Variants in CAGE1 observed in about 807,000 individuals in gnomAD.
CAGE1 encodes the protein cancer-associated gene 1 protein.
A neutral mutation model predicts 94.9 loss-of-function variants in CAGE1; 66 were observed. The observed-to-expected ratio is 0.70, with a 90% CI of 0.57 to 0.85. CAGE1 has a LOEUF of 0.85. Among genes scored for constraint, CAGE1 ranks in the 40% least tolerant of loss-of-function variants. CAGE1 has a pLI of 0.00. For missense variants in CAGE1, 865 were observed against 950.4 expected (o/e 0.91, Z 1.18); for synonymous variants, 319 against 321.0 (o/e 0.99, Z 0.07).
At chr6:7,358,001 C>T (rs1760016793) in intron 9 of CAGE1, among the ~76,000 whole-genome samples, 2 of 125,958 alleles carry the variant, frequency 1.6e-5, no homozygotes, top group Admixed American at 9.3e-5. Context: ...ACCATGTTGG[C>T]CAGACTGCGG....
intron 11 of CAGE1, among the ~76,000 whole-genome samples, chr6:7,352,757 T>C (rs1378766525): frequency 2.0e-5 from 3 of 152,214 alleles, no homozygotes; most frequent in African/African-American, 7.2e-5. Context: ...TATAGCCAAC[T>C]GATCTTTGAC....
chr6:7,386,585 T>G (rs1318543127), intron 2 of CAGE1, among the ~76,000 whole-genome samples: 1 of 152,154 alleles, frequency 6.6e-6, no homozygotes, highest in Non-Finnish European at 1.5e-5. Flanking sequence ...CTAGAAAGGA[T>G]CAGTTTTAAC....
chr6:7,388,058 C>G (rs1472731682), intron 1 of CAGE1, among the ~76,000 whole-genome samples: 1 of 137,798 alleles, frequency 7.3e-6, no homozygotes, highest in Admixed American at 7.4e-5. Context: ...AAAAAAAAGT[C>G]TTTCAGTAAC....
At chr6:7,368,891 C>T in intron 6 of CAGE1, 93 bp from the exon 7 acceptor site, 1 of 685,640 alleles carries the variant, frequency 1.5e-6, no homozygotes, top group Non-Finnish European at 2.5e-6. Context: ...AACAAATCTC[C>T]TTTCAATAAG....
intron 6 of CAGE1, 98 bp downstream of exon 6, chr6:7,369,821 T>C (rs2113444774): frequency 1.6e-6 from 2 of 1,216,524 alleles, no homozygotes; most frequent in East Asian, 5.2e-5. Context: ...CTTCATTTTC[T>C]TCTTCCACAA....
chr6:7,382,354 G>A (rs971858032), intron 3 of CAGE1, among the ~76,000 whole-genome samples: 4 of 151,466 alleles, frequency 2.6e-5, no homozygotes, highest in African/African-American at 7.3e-5. Context: ...CCACGCTGGA[G>A]TCAGTGGCAC....
chr6:7,351,142 A>G (rs114146757), intron 11 of CAGE1, among the ~76,000 whole-genome samples: 2,526 of 152,336 alleles, frequency 0.017, 29 homozygotes, highest in Non-Finnish European at 0.026. Context: ...ACTGAAATAC[A>G]GAAGATCATT....
chr6:7,361,808 A>G (rs773165404), intron 9 of CAGE1, among the ~76,000 whole-genome samples: 1 of 152,234 alleles, frequency 6.6e-6, no homozygotes, highest in Non-Finnish European at 1.5e-5. Context: ...ACAGCTGGTA[A>G]GGTTGACATC....
chr6:7,338,390 T>C (rs1759041989), intron 11 of CAGE1, among the ~76,000 whole-genome samples: 1 of 152,218 alleles, frequency 6.6e-6, no homozygotes, highest in Non-Finnish European at 1.5e-5. Context: ...TTGTAGGTGC[T>C]CTTTGTCCTT....
intron 7 of CAGE1, among the ~76,000 whole-genome samples, chr6:7,367,278 A>ATTTTTTTTTTTTTTTTTTTTTTTT (rs70978961): frequency 9.0e-5 from 10 of 111,212 alleles, no homozygotes; most frequent in African/African-American, 2.7e-4. Flanking sequence ...TATTTGGGGG[A>ATTTTTTTTTTTTTTTTTTTTTTTT]TTTTTTTTTT....
At chr6:7,370,404 C>T (rs1760499313) in intron 5 of CAGE1, among the ~76,000 whole-genome samples, 1 of 152,026 alleles carries the variant, frequency 6.6e-6, no homozygotes, top group Admixed American at 6.6e-5. Flanking sequence ...CACAATCCTC[C>T]CACCTCAGTC....
chr6:7,328,928 A>AT lies in CAGE1; in HGVS notation c.2478+920dup, dbSNP rs1471133909. On this transcript the variant is annotated intron_variant, in intron 13 of 13. Coordinates refer to ENST00000502583, the MANE Select transcript of CAGE1 (RefSeq NM_001170692.2). ...TGTGTGTGTGTGTGTGTATATATAT[A>AT]TATATATTTTTTTTTTTTTTTGAGA... Among the ~76,000 whole-genome samples the AT allele has an allele frequency of 8.3e-4, 74 of 88,976 alleles. 3 individuals are homozygous for AT. Among genetic ancestry groups the AT allele is most frequent in the East Asian group, 7.1e-3 (19 of 2,670 alleles). 58.4% of individuals were successfully genotyped at this position (88,976 alleles called of 152,430 possible).
rs1348093471 is a variant in CAGE1 at position 7,378,616 on chromosome 6, C to T, written c.687+1G>A. ...TTTACAATATTATTGTGTACACTTTCCTTACATAAGAAGCTTGGAGGTTGG... is the reference window on the plus strand; with the variant it reads ...TTTACAATATTATTGTGTACACTTTTCTTACATAAGAAGCTTGGAGGTTGG... On this transcript the variant is annotated splice_donor_variant, in intron 4 of 13. Coordinates refer to ENST00000502583, the MANE Select transcript of CAGE1 (RefSeq NM_001170692.2). LOFTEE classifies it high-confidence loss of function. The T allele has an allele frequency of 4.5e-6, 7 of 1,568,872 alleles. No homozygotes were observed. Among genetic ancestry groups the T allele is most frequent in the Middle Eastern group, 1.7e-4 (1 of 5,818 alleles).
In CAGE1 at chr6:7,374,070, T is replaced by A; in HGVS notation, c.749A>T (p.Tyr250Phe). ...YGEIPEMSVS[Y>F]EKEVTAEGVE... Reference sequence around the variant, plus strand: ...ACCCTCTGCTGTGACTTCCTTTTCATAACTGACTGACATCTCAGGAATCTC... The same window carrying A: ...ACCCTCTGCTGTGACTTCCTTTTCAAAACTGACTGACATCTCAGGAATCTC... Residue 250 changes from tyrosine (Y) to phenylalanine (F), a missense_variant, in exon 5 of 14, where the codon TAT (tyrosine) becomes TTT (phenylalanine). Physicochemically the swap from Tyr to Phe is conservative, Grantham distance 22. Transcript: ENST00000502583. The A allele has an allele frequency of 6.2e-7, 1 of 1,613,994 alleles. No individual in the cohort carries two copies. The highest frequency in any genetic ancestry group is 1.3e-5 in the African/African-American group (1 of 75,060).
intron 11 of CAGE1, among the ~76,000 whole-genome samples, chr6:7,343,017 T>A (rs887463657): frequency 6.6e-6 from 1 of 151,890 alleles, no homozygotes; most frequent in Non-Finnish European, 1.5e-5. Flanking sequence ...TGAAACCCTG[T>A]CTCTACTAAA....
At chr6:7,383,171 C>T (rs1761001552) in intron 3 of CAGE1, among the ~76,000 whole-genome samples, 1 of 152,174 alleles carries the variant, frequency 6.6e-6, no homozygotes, top group African/African-American at 2.4e-5. Flanking sequence ...GCCTTGCTTC[C>T]TGTTTGTCTT....
At chr6:7,363,926 C>A (rs1213273193) in intron 9 of CAGE1, among the ~76,000 whole-genome samples, 1 of 152,164 alleles carries the variant, frequency 6.6e-6, no homozygotes, top group Non-Finnish European at 1.5e-5. Flanking sequence ...CTTTTAATAG[C>A]TTACATTCTT....
chr6:7,358,238 A>G (rs1760047605), intron 9 of CAGE1, among the ~76,000 whole-genome samples: 1 of 151,346 alleles, frequency 6.6e-6, no homozygotes, highest in South Asian at 2.1e-4. Context: ...TTCTGTCATC[A>G]TAGATTACTT....
rs1211908252 is a variant in CAGE1 at position 7,373,652 on chromosome 6, T to G, written c.1167A>C (p.Leu389Phe). Residue 389 changes from leucine to phenylalanine, a missense_variant, in exon 5 of 14, where the codon TTA becomes TTC. Leu to Phe is a conservative substitution (Grantham distance 22). Coordinates refer to ENST00000502583, the MANE Select transcript of CAGE1 (RefSeq NM_001170692.2). ...KKTLQNLEEV[L>F]ANTQKHLQES... ...CCTGAAGATGTTTTTGCGTGTTAGCTAAAACCTCTTCCAAATTCTGCAATG... is the reference window on the plus strand; with the variant it reads ...CCTGAAGATGTTTTTGCGTGTTAGCGAAAACCTCTTCCAAATTCTGCAATG... The G allele has an allele frequency of 6.2e-7, 1 of 1,613,374 alleles. No individual in the cohort carries two copies. The highest frequency in any genetic ancestry group is 8.5e-7 in the Non-Finnish European group (1 of 1,179,684).
Sources: allele counts gnomAD v4.1 joint callset (sites outside exome capture counted in the v4.1 genomes callset), GRCh38; gene constraint gnomAD v4.1.1; transcripts MANE v1.5; gene names NCBI Gene and HGNC (gene_info 2026-07-23, HGNC 2026-07-21).